The following ADRA2B variants were observed in gnomAD, a reference collection of about 807,000 sequenced individuals.
The protein encoded by ADRA2B is alpha-2B adrenergic receptor.
Under a neutral mutation model 14.4 loss-of-function variants are expected in ADRA2B, and 14 were observed. The ratio of observed to expected loss-of-function variants is 0.97; its 90% CI spans 0.64 to 1.52. ADRA2B has a LOEUF of 1.52. ADRA2B is among the 40% of genes most tolerant of loss of function. The pLI, the probability that ADRA2B is intolerant of heterozygous loss-of-function variation, is 0.00. For missense variants in ADRA2B, 606 were observed against 603.2 expected (o/e 1.00, Z -0.05); for synonymous variants, 250 against 263.7 (o/e 0.95, Z 0.50).
rs781468457 is a variant in ADRA2B, at chr2:96,116,182, C to G, written c.-33G>C. The G allele has an allele frequency of 5.8e-6, 9 of 1,564,548 alleles. No homozygotes were observed. Among genetic ancestry groups the G allele is most frequent in the Admixed American group, 1.8e-5 (1 of 56,286 alleles). ...CGGGAGGTGGGCAGAGGGAGCGCTG[C>G]CCGCCCAGTGCGCACCGTGGACGAC... On this transcript the variant is annotated 5_prime_UTR_variant, in exon 1 of 1. Coordinates refer to ENST00000620793, the MANE Select transcript of ADRA2B (RefSeq NM_000682.7).
Position 96,114,566 on chromosome 2 carries a change from G to T in ADRA2B, c.*231C>A, listed in dbSNP as rs1389608050. 2.1e-6 allele frequency: 3 copies of T among 1,396,536 alleles called. No individual in the cohort carries two copies. The highest frequency in any genetic ancestry group is 2.8e-6 in the Non-Finnish European group (3 of 1,076,904). The allele number at this position is 1,396,536 out of a possible 1,614,324, so 86.5% of individuals were successfully genotyped here. Reference sequence around the variant, plus strand: ...AACCACCTCCATCGGCCTGTGCTCAGGGAGAGGGTGGAGAAGGGGTCCCCC... The same window carrying T: ...AACCACCTCCATCGGCCTGTGCTCATGGAGAGGGTGGAGAAGGGGTCCCCC... On this transcript the variant is annotated 3_prime_UTR_variant, in exon 1 of 1. Coordinates refer to ENST00000620793, the MANE Select transcript of ADRA2B (RefSeq NM_000682.7).
At position 96,115,532 on chromosome 2, in the gene ADRA2B, A is replaced by G; in HGVS notation, c.618T>C (p.Gly206=). 1.2e-6 allele frequency: 2 copies of G among 1,613,754 alleles called. No homozygotes were observed. The highest frequency in any genetic ancestry group is 1.7e-6 in the Non-Finnish European group (2 of 1,179,854). ...YLIAKRSNRR[G]PRAKGGPGQG... ...GCCCAGGCCCCCCCTTGGCCCTGGG[A>G]CCTCTGCGGTTGCTGCGTTTGGCGA... The change falls in exon 1 of 1, where the codon GGT becomes GGC. Residue 206 remains glycine, a synonymous_variant. Transcript: ENST00000620793.
chr2:96,114,493 GA>G lies in ADRA2B; in HGVS notation c.*303del. On this transcript the variant is annotated 3_prime_UTR_variant, in exon 1 of 1. Transcript: ENST00000620793. ...TCTGGAGAGCATGGGGCTCTGGGAA[GA>G]AAGTGCTCTCTCTTCTCCTGGTCTT... 26 of 1,198,406 alleles carry G rather than the reference GA, an allele frequency of 2.2e-5. No individual in the cohort carries two copies. Among genetic ancestry groups the G allele is most frequent in the Non-Finnish European group, 2.7e-5 (26 of 960,872 alleles). The allele number at this position is 1,198,406 out of a possible 1,614,324, so 74.2% of individuals were successfully genotyped here.
chr2:96,114,107 G>A lies in ADRA2B; in HGVS notation c.*690C>T, dbSNP rs1681809130. On this transcript the variant is annotated 3_prime_UTR_variant, in exon 1 of 1. Coordinates refer to ENST00000620793, the MANE Select transcript of ADRA2B (RefSeq NM_000682.7). ...AGACCAGGCCTCCAAGACCGCCCCA[G>A]CGAGGCATCCACGTGGCCACCCACC... 1.0e-6 allele frequency: 1 copy of A among 985,776 alleles called. No homozygotes were observed. The highest frequency in any genetic ancestry group is 1.2e-6 in the Non-Finnish European group (1 of 829,946). 61.1% of individuals were successfully genotyped at this position (985,776 alleles called of 1,614,324 possible).
At position 96,115,819 on chromosome 2, in the gene ADRA2B, A is replaced by G. The variant is rs1402186356; in HGVS notation, c.331T>C (p.Tyr111His). 1.2e-6 allele frequency: 2 copies of G among 1,613,440 alleles called. No homozygotes were observed. The highest frequency in any genetic ancestry group is 3.3e-5 in the Admixed American group (2 of 59,976). Residue 111 changes from tyrosine to histidine, a missense_variant, in exon 1 of 1, where the codon TAC becomes CAC. Transcript: ENST00000620793. Reference sequence around the variant, plus strand: ...TCCAGCGCGCGGCTCACGGCCCAGTAGCGGTCCAGGCTGATGGCGCACAGG... The same window carrying G: ...TCCAGCGCGCGGCTCACGGCCCAGTGGCGGTCCAGGCTGATGGCGCACAGG... The part of the protein sequence containing the change: ...VHLCAISLDR[Y>H]WAVSRALEYN...
At position 96,116,045 on chromosome 2, in the gene ADRA2B, C is replaced by T. The variant is rs755198933; in HGVS notation, c.105G>A (p.Leu35=). ...GCAGCGAGCGGCTGGTCAACACAGC[C>T]AGGATGACCAGAGCGTTGCCGAAGA... ...FTIFGNALVI[L]AVLTSRSLRA... Residue 35 remains leucine (L), a synonymous_variant, in exon 1 of 1, where the codon CTG becomes CTA. Transcript: ENST00000620793. 6 of 1,613,244 alleles carry T rather than the reference C, an allele frequency of 3.7e-6. No individual in the cohort carries two copies. The East Asian group carries it at 1.3e-4, about 36-fold the overall frequency.
In ADRA2B at chr2:96,113,002, C is replaced by A; in HGVS notation, c.*1795G>T. ...GGGTCCCATGGGGCGCACACAAGAC[C>A]GGCCAGCAGAGGGTCACAGTCAGTC... is the stretch of plus-strand genomic sequence containing the variant. On this transcript the variant is annotated 3_prime_UTR_variant, in exon 1 of 1. Coordinates refer to ENST00000620793, the MANE Select transcript of ADRA2B (RefSeq NM_000682.7). 2.5e-6 allele frequency: 1 copy of A among 397,272 alleles called. No homozygotes were observed. Among genetic ancestry groups the A allele is most frequent in the East Asian group, 3.6e-5 (1 of 28,014 alleles). 24.6% of individuals were successfully genotyped at this position (397,272 alleles called of 1,614,324 possible). A position where few individuals can be genotyped will look rare whatever the true frequency, so the allele number is the denominator to read the frequency against.
Position 96,115,194 on chromosome 2 carries a change from G to C in ADRA2B, c.956C>G (p.Pro319Arg). ...CAGCGGGGGGCTGCAAGCTGAGGCC[G>C]GAGACACTGGCACTGCCTGGGGTTC... is the stretch of plus-strand genomic sequence containing the variant. ...ECEPQAVPVS[P>R]ASACSPPLQQ... Residue 319 changes from proline (P) to arginine (R), a missense_variant, in exon 1 of 1, where the codon CCG (proline) becomes CGG (arginine). By Grantham distance (103) the Pro-to-Arg change is moderately radical (BLOSUM62 -2). Coordinates refer to ENST00000620793, the MANE Select transcript of ADRA2B (RefSeq NM_000682.7). 2.6e-6 allele frequency: 4 copies of C among 1,565,226 alleles called. No homozygotes were observed. The highest frequency in any genetic ancestry group is 3.5e-6 in the Non-Finnish European group (4 of 1,155,296).
rs1457049633 is a variant in ADRA2B, at chr2:96,114,283, G to A, written c.*514C>T. 2 of 990,312 alleles carry A rather than the reference G, an allele frequency of 2.0e-6. No individual in the cohort carries two copies. Among genetic ancestry groups the A allele is most frequent in the East Asian group, 1.1e-4 (1 of 8,882 alleles). The allele number at this position is 990,312 out of a possible 1,614,324, so 61.3% of individuals were successfully genotyped here. On this transcript the variant is annotated 3_prime_UTR_variant, in exon 1 of 1. Coordinates refer to ENST00000620793, the MANE Select transcript of ADRA2B (RefSeq NM_000682.7). Reference sequence around the variant, plus strand: ...CCAGCGCCTGCCAGGGACCGCGAGTGCCTAGCGTGGGTGATCAGTCTTCGT... The same window carrying A: ...CCAGCGCCTGCCAGGGACCGCGAGTACCTAGCGTGGGTGATCAGTCTTCGT...
In ADRA2B at chr2:96,115,036, C is replaced by A. The variant is rs772700720; in HGVS notation, c.1114G>T (p.Val372Leu). The A allele has an allele frequency of 6.2e-7, 1 of 1,613,834 alleles. No individual in the cohort carries two copies. Among genetic ancestry groups the A allele is most frequent in the Admixed American group, 1.7e-5 (1 of 60,016 alleles). ...QLTREKRFTF[V>L]LAVVIGVFVL... ...AAAACGCCAATGACCACAGCCAGCA[C>A]GAAGGTGAAGCGCTTCTCCCGGGTC... Residue 372 changes from valine to leucine, a missense_variant, in exon 1 of 1, where the codon GTG (valine) becomes TTG (leucine). Physicochemically the swap from Val to Leu is conservative, Grantham distance 32. Transcript: ENST00000620793.
rs773859807 is a variant in ADRA2B, at chr2:96,115,041, G to A, written c.1109C>T (p.Thr370Ile). 5.0e-6 allele frequency: 8 copies of A among 1,613,816 alleles called. No homozygotes were observed. The highest frequency in any genetic ancestry group is 1.6e-4 in the Middle Eastern group (1 of 6,062). The change falls in exon 1 of 1, where the codon ACC becomes ATC. Residue 370 changes from threonine to isoleucine, a missense_variant. Thr to Ile is a moderately conservative substitution (Grantham distance 89, BLOSUM62 -1). Transcript: ENST00000620793. ...GCCAATGACCACAGCCAGCACGAAG[G>A]TGAAGCGCTTCTCCCGGGTCAGCTG... ...RAQLTREKRFTFVLAVVIGVF... is the reference protein window; with the variant it reads ...RAQLTREKRFIFVLAVVIGVF...
Position 96,114,606 on chromosome 2 carries a change from A to G in ADRA2B, c.*191T>C, listed in dbSNP as rs1007129361. The G allele has an allele frequency of 2.1e-6, 3 of 1,421,292 alleles. No individual in the cohort carries two copies. In the African/African-American group the frequency reaches 4.3e-5, roughly 20 times the overall value. The allele number at this position is 1,421,292 out of a possible 1,614,324, so 88.0% of individuals were successfully genotyped here. On this transcript the variant is annotated 3_prime_UTR_variant, in exon 1 of 1. Coordinates refer to ENST00000620793, the MANE Select transcript of ADRA2B (RefSeq NM_000682.7). Reference sequence around the variant, plus strand: ...AGGGGTCCCCCACAGCTAAGCCGGCAAGGGGAAGCTTCACTGGGACCCTTG... The same window carrying G: ...AGGGGTCCCCCACAGCTAAGCCGGCGAGGGGAAGCTTCACTGGGACCCTTG...
At position 96,115,535 on chromosome 2, in the gene ADRA2B, T is replaced by C; in HGVS notation, c.615A>G (p.Arg205=). The change falls in exon 1 of 1, where the codon AGA becomes AGG. Residue 205 remains arginine, a synonymous_variant. Transcript: ENST00000620793. The part of the protein sequence containing the change: ...IYLIAKRSNR[R]GPRAKGGPGQ... ...CAGGCCCCCCCTTGGCCCTGGGACC[T>C]CTGCGGTTGCTGCGTTTGGCGATCA... The C allele has an allele frequency of 6.2e-7, 1 of 1,613,858 alleles. No individual in the cohort carries two copies.
rs9333568 is a variant in ADRA2B, at chr2:96,115,518, C to A, written c.632G>T (p.Gly211Val). The A allele has an allele frequency of 2.9e-5, 46 of 1,613,666 alleles. No individual in the cohort carries two copies. Among genetic ancestry groups the A allele is most frequent in the Admixed American group, 5.0e-5 (3 of 60,016 alleles). The part of the protein sequence containing the change: ...RSNRRGPRAK[G>V]GPGQGESKQP... ...CTTGGACTCACCCTGCCCAGGCCCC[C>A]CCTTGGCCCTGGGACCTCTGCGGTT... Residue 211 changes from glycine (G) to valine (V), a missense_variant, in exon 1 of 1, where the codon GGG becomes GTG. Transcript: ENST00000620793.
In ADRA2B at chr2:96,113,733, C is replaced by T. The variant is rs764827329; in HGVS notation, c.*1064G>A. 1.4e-4 allele frequency: 35 copies of T among 255,540 alleles called. No individual in the cohort carries two copies. The highest frequency in any genetic ancestry group is 1.8e-4 in the Non-Finnish European group (30 of 162,784). 15.8% of individuals were successfully genotyped at this position (255,540 alleles called of 1,614,324 possible). ...GAAATGTCGAAACGTTGTCATGTAG[C>T]GTAATAACTCAGACCTTTGCAGCCA... On this transcript the variant is annotated 3_prime_UTR_variant, in exon 1 of 1. Transcript: ENST00000620793.
At position 96,114,259 on chromosome 2, in the gene ADRA2B, C is replaced by G; in HGVS notation, c.*538G>C. On this transcript the variant is annotated 3_prime_UTR_variant, in exon 1 of 1. Coordinates refer to ENST00000620793, the MANE Select transcript of ADRA2B (RefSeq NM_000682.7). ...GATGCCACCCCATAAGCCCCCATCC[C>G]AGCGCCTGCCAGGGACCGCGAGTGC... 2.0e-6 allele frequency: 2 copies of G among 988,642 alleles called. No individual in the cohort carries two copies. The highest frequency in any genetic ancestry group is 2.4e-6 in the Non-Finnish European group (2 of 831,830). 61.2% of individuals were successfully genotyped at this position (988,642 alleles called of 1,614,324 possible). A position where few individuals can be genotyped will look rare whatever the true frequency, so the allele number is the denominator to read the frequency against.
chr2:96,115,079 C>T lies in ADRA2B; in HGVS notation c.1071G>A (p.Trp357Ter), dbSNP rs778996807. ...RGVGAIGGQW[W>*]RRRAQLTREK... ...CCCGGGTCAGCTGCGCCCGTCGACG[C>T]CACCACTGCCCACCTATAGCACCCA... Residue 357 changes from tryptophan to a stop codon, truncating the protein, a stop_gained, in exon 1 of 1, where the codon TGG becomes TGA. Transcript: ENST00000620793. LOFTEE classifies it high-confidence loss of function. 3 of 1,612,720 alleles carry T rather than the reference C, an allele frequency of 1.9e-6. No individual in the cohort carries two copies. In the East Asian group the frequency reaches 6.7e-5, roughly 36 times the overall value.
chr2:96,116,490 G>T lies in ADRA2B; in HGVS notation c.-341C>A, dbSNP rs1426080261. Reference sequence around the variant, plus strand: ...CGCTCTGGGGGCGCGGGCCGGGCTGGGCCGGTTCTTAAAGGAGGCGCGGAG... The same window carrying T: ...CGCTCTGGGGGCGCGGGCCGGGCTGTGCCGGTTCTTAAAGGAGGCGCGGAG... On this transcript the variant is annotated 5_prime_UTR_variant, in exon 1 of 1. Transcript: ENST00000620793. Among the ~76,000 whole-genome samples the T allele has an allele frequency of 6.6e-6, 1 of 152,228 alleles. No homozygotes were observed. The highest frequency in any genetic ancestry group is 1.9e-4 in the East Asian group (1 of 5,192).
In ADRA2B at chr2:96,115,493, C is replaced by T. The variant is rs999173490; in HGVS notation, c.657G>A (p.Lys219=). ...AKGGPGQGES[K]QPRPDHGGAL... is the part of the protein sequence containing the mutation. ...CCCCACCATGGTCGGGTCGGGGCTG[C>T]TTGGACTCACCCTGCCCAGGCCCCC... is the stretch of plus-strand genomic sequence containing the variant. The change falls in exon 1 of 1, where the codon AAG becomes AAA. Residue 219 remains lysine (K), a synonymous_variant. Coordinates refer to ENST00000620793, the MANE Select transcript of ADRA2B (RefSeq NM_000682.7). The T allele has an allele frequency of 7.4e-6, 12 of 1,613,484 alleles. No individual in the cohort carries two copies. The African/African-American group carries it at 1.1e-4, about 14-fold the overall frequency.
Sources: allele counts gnomAD v4.1 joint callset (sites outside exome capture counted in the v4.1 genomes callset), GRCh38; gene constraint gnomAD v4.1.1; transcripts MANE v1.5; gene names NCBI Gene and HGNC (gene_info 2026-07-23, HGNC 2026-07-21).